Variants in LYSMD2 observed in about 807,000 individuals in gnomAD.
LYSMD2 encodes the protein LysM domain containing 2, also known as lysM and putative peptidoglycan-binding domain-containing protein 2.
Under a neutral mutation model 17.7 loss-of-function variants are expected in LYSMD2, and 6 were observed. That is an observed-to-expected ratio of 0.34 (90% CI 0.19 to 0.67). LYSMD2 has a LOEUF of 0.67. Ranked by LOEUF, LYSMD2 falls within the 30% of genes least tolerant of loss-of-function variation. The pLI, the probability that LYSMD2 is intolerant of heterozygous loss-of-function variation, is 0.69. For synonymous variants in LYSMD2, 102 were observed against 129.8 expected, an observed-to-expected ratio of 0.79 and a Z score of 1.45; for missense variants, 237 against 286.7, an observed-to-expected ratio of 0.83 and a Z score of 1.25.
intron 2 of LYSMD2, among the ~76,000 whole-genome samples, chr15:51,724,029 G>C (rs915305977): frequency 6.6e-6 from 1 of 151,726 alleles, no homozygotes. Flanking sequence ...TAATAAAATA[G>C]AAATAAAAAA....
At chr15:51,733,516 G>A (rs1441032788) in intron 1 of LYSMD2, among the ~76,000 whole-genome samples, 1 of 151,964 alleles carries the variant, frequency 6.6e-6, no homozygotes, top group Non-Finnish European at 1.5e-5. Context: ...GGACTAGGGA[G>A]AAAGGCTACA....
At chr15:51,724,291 G>A (rs1392108318) in intron 2 of LYSMD2, among the ~76,000 whole-genome samples, 1 of 152,102 alleles carries the variant, frequency 6.6e-6, no homozygotes, top group African/African-American at 2.4e-5. Context: ...TCTTATGTAG[G>A]AAACACCCAG....
Position 51,737,072 on chromosome 15 carries a change from CG to C in LYSMD2, c.273+277del, listed in dbSNP as rs1252560563. Among the ~76,000 whole-genome samples the C allele has an allele frequency of 6.6e-6, 1 of 152,204 alleles. No homozygotes were observed. The highest frequency in any genetic ancestry group is 2.4e-5 in the African/African-American group (1 of 41,454). ...GCGACAGATCTAGTCTGAGCCTGGGCGGGGCACCGGGAACTCGATGCAGCTA... is the reference window on the plus strand; with the variant it reads ...GCGACAGATCTAGTCTGAGCCTGGGCGGGCACCGGGAACTCGATGCAGCTA... On this transcript the variant is annotated intron_variant, in intron 1 of 2. Transcript: ENST00000267838. The surrounding 1 kb of genome is among the most constrained non-coding windows in gnomAD (Gnocchi z 4.2).
At chr15:51,733,382 A>G (rs187915604) in intron 1 of LYSMD2, among the ~76,000 whole-genome samples, 1 of 151,908 alleles carries the variant, frequency 6.6e-6, no homozygotes, top group Non-Finnish European at 1.5e-5. Flanking sequence ...CTATGAGGAC[A>G]TGGATTTTTA....
At chr15:51,742,296 T>A (rs1182303241), upstream of LYSMD2, among the ~76,000 whole-genome samples, 2 of 152,316 alleles carry the variant, frequency 1.3e-5, no homozygotes, top group African/African-American at 4.8e-5. Flanking sequence ...CACCTCGGCC[T>A]CCCAAAGTGC....
upstream of LYSMD2, among the ~76,000 whole-genome samples, chr15:51,739,788 C>G (rs1027014623): frequency 6.6e-6 from 1 of 152,070 alleles, no homozygotes; most frequent in Admixed American, 6.5e-5. Context: ...CTTAATCGAG[C>G]ATGTGGCCTA....
rs114902189 is a variant in LYSMD2 at position 51,747,788 on chromosome 15, C to T, written c.-1+3483G>A. On this transcript the variant is annotated intron_variant, in intron 1 of 2. Coordinates refer to the LYSMD2 transcript ENST00000454181. ...GTATCATTTAACATGATCATGATTA[C>T]ATAGTAATTAGCTTTTAGATGTTTG... 3.0e-3 allele frequency among the ~76,000 whole-genome samples: 456 copies of T among 152,290 alleles called. 3 individuals carry two copies. The highest frequency in any genetic ancestry group is 0.01 in the African/African-American group (435 of 41,552).
upstream of LYSMD2, among the ~76,000 whole-genome samples, chr15:51,742,500 A>G (rs2055648158): frequency 1.3e-5 from 2 of 152,158 alleles, no homozygotes; most frequent in Non-Finnish European, 2.9e-5. Flanking sequence ...AGTTTCATCC[A>G]TGTTGTAACA....
chr15:51,743,130 T>C (rs2055651401), intron 1 of LYSMD2, among the ~76,000 whole-genome samples: 1 of 152,232 alleles, frequency 6.6e-6, no homozygotes, highest in Admixed American at 6.5e-5. Flanking sequence ...TTTACTTCTG[T>C]GATCAATGGA....
At position 51,737,015 on chromosome 15, in the gene LYSMD2, C is replaced by A. The variant is rs1348787371; in HGVS notation, c.273+335G>T. Among the ~76,000 whole-genome samples the A allele has an allele frequency of 2.0e-5, 3 of 152,208 alleles. No individual in the cohort carries two copies. The highest frequency in any genetic ancestry group is 7.2e-5 in the African/African-American group (3 of 41,452). Reference sequence around the variant, plus strand: ...TGGGTGAAGGTGGTTCACGGGGATGCCAAAGCCCTAGTCCTCTTCGGCCTC... The same window carrying A: ...TGGGTGAAGGTGGTTCACGGGGATGACAAAGCCCTAGTCCTCTTCGGCCTC... On this transcript the variant is annotated intron_variant, in intron 1 of 2. Coordinates refer to ENST00000267838, the MANE Select transcript of LYSMD2 (RefSeq NM_153374.3). This position sits in a 1 kb window ranked among gnomAD's most constrained non-coding sequence, Gnocchi z 4.2.
intron 1 of LYSMD2, among the ~76,000 whole-genome samples, chr15:51,736,559 G>T (rs2055610342): frequency 6.6e-6 from 1 of 152,154 alleles, no homozygotes; most frequent in African/African-American, 2.4e-5. Flanking sequence ...TGCTGTCTAA[G>T]GTGCTTCAGG....
At chr15:51,746,031 A>G (rs545990785) in intron 1 of LYSMD2, among the ~76,000 whole-genome samples, 165 of 152,352 alleles carry the variant, frequency 1.1e-3, no homozygotes, top group African/African-American at 3.9e-3. Flanking sequence ...GATACTTTGG[A>G]AAACAGTTTG....
At chr15:51,738,576 C>T (rs2055627512), upstream of LYSMD2, among the ~76,000 whole-genome samples, 1 of 152,194 alleles carries the variant, frequency 6.6e-6, no homozygotes, top group Non-Finnish European at 1.5e-5. Context: ...CCTTTCAACA[C>T]ACTGTATTAT....
chr15:51,736,810 T>C (rs904122989), intron 1 of LYSMD2, among the ~76,000 whole-genome samples: 5 of 152,300 alleles, frequency 3.3e-5, no homozygotes, highest in African/African-American at 9.6e-5. Context: ...CGGTTGCCAG[T>C]GAGCCCAGAG....
At chr15:51,730,885 C>A (rs2055572159) in intron 1 of LYSMD2, among the ~76,000 whole-genome samples, 1 of 152,216 alleles carries the variant, frequency 6.6e-6, no homozygotes, top group South Asian at 2.1e-4. Context: ...ACCGCCACAT[C>A]TGTCTCCTGT....
upstream of LYSMD2, among the ~76,000 whole-genome samples, chr15:51,742,204 T>A (rs978632115): frequency 1.1e-4 from 16 of 152,102 alleles, no homozygotes; most frequent in African/African-American, 3.9e-4. Flanking sequence ...CATGCCCAGC[T>A]GATTTTTGTA....
At chr15:51,731,216 G>C (rs1268334942) in intron 1 of LYSMD2, among the ~76,000 whole-genome samples, 1 of 152,132 alleles carries the variant, frequency 6.6e-6, no homozygotes, top group Admixed American at 6.5e-5. Context: ...CTTAAGATGG[G>C]TGAATTTTGT....
intron 1 of LYSMD2, among the ~76,000 whole-genome samples, chr15:51,745,419 T>C (rs550700014): frequency 1.3e-3 from 192 of 152,280 alleles, no homozygotes; most frequent in Non-Finnish European, 2.0e-3. Flanking sequence ...CTGGGATTTA[T>C]CCCAGGAATT....
intron 1 of LYSMD2, among the ~76,000 whole-genome samples, chr15:51,729,206 A>G (rs1008853504): frequency 6.6e-6 from 1 of 152,200 alleles, no homozygotes; most frequent in Non-Finnish European, 1.5e-5. Context: ...GGGAGTAATA[A>G]GCAAACTTCC....
Sources: gnomAD v4.1 joint callset for allele counts (sites outside exome capture counted in the v4.1 genomes callset) on GRCh38, gnomAD v4.1.1 for gene constraint, Gnocchi (gnomAD v3.1) non-coding constraint, MANE v1.5 for transcripts, NCBI Gene and HGNC (gene_info 2026-07-23, HGNC 2026-07-21) for gene names.